The following NPAS3 variants were observed in gnomAD, a reference collection of about 807,000 sequenced individuals.
NPAS3 encodes the protein neuronal PAS domain protein 3, also known as neuronal PAS domain-containing protein 3.
A neutral mutation model predicts 73.1 loss-of-function variants in NPAS3; 14 were observed. The observed-to-expected ratio is 0.19, with a 90% CI of 0.13 to 0.30. NPAS3 has a LOEUF of 0.30. Ranked by LOEUF, NPAS3 falls within the 10% of genes least tolerant of loss-of-function variation. NPAS3 has a pLI of 1.00. For synonymous variants in NPAS3, 620 were observed against 541.5 expected (o/e 1.14, Z -2.01); for missense variants, 1,096 against 1,250.0 (o/e 0.88, Z 1.86).
intron 6 of NPAS3, among the ~76,000 whole-genome samples, chr14:33,731,768 A>AAAATTTCCTGTAAAATTTCCTGT (rs2061408333): frequency 6.6e-6 from 1 of 152,216 alleles, no homozygotes. Context: ...TAAATTTTAC[A>AAAATTTCCTGTAAAATTTCCTGT]AAATATGCAA....
rs575116485 is a variant in NPAS3 at position 32,968,901 on chromosome 14, A to C, written c.50+29535A>C. ...AACCCATCACCTAGGTATTAAGCCC[A>C]GCATCCACTAGCTATTCTTCCTGAT... On this transcript the variant is annotated intron_variant, in intron 1 of 11. Transcript: ENST00000356141. Among the ~76,000 whole-genome samples the C allele has an allele frequency of 3.9e-5, 6 of 152,210 alleles. No individual in the cohort carries two copies. In the East Asian group the frequency reaches 1.2e-3, roughly 29 times the overall value.
At position 33,123,977 on chromosome 14, in the gene NPAS3, C is replaced by G. The variant is rs567829344; in HGVS notation, c.140+67983C>G. Reference sequence around the variant, plus strand: ...CTGGGCTCAGGTTGTTCTCGTGCCTCAGCCTCCTGAGTAGCTGGGCCTATA... The same window carrying G: ...CTGGGCTCAGGTTGTTCTCGTGCCTGAGCCTCCTGAGTAGCTGGGCCTATA... On this transcript the variant is annotated intron_variant, in intron 2 of 11. Transcript: ENST00000356141. Among the ~76,000 whole-genome samples the G allele has an allele frequency of 6.8e-4, 103 of 151,262 alleles. 2 individuals are homozygous for G. Among genetic ancestry groups the G allele is most frequent in the African/African-American group, 2.4e-3 (99 of 41,274 alleles).
chr14:33,366,026 A>G (rs2045825185), intron 3 of NPAS3, among the ~76,000 whole-genome samples: 1 of 152,210 alleles, frequency 6.6e-6, no homozygotes, highest in African/African-American at 2.4e-5. Flanking sequence ...GCAGGAAGAT[A>G]TGGGGAATTT....
exon 8 of NPAS3, chr14:33,774,354 C>G: frequency 6.2e-7 from 1 of 1,613,696 alleles, no homozygotes; most frequent in Non-Finnish European, 8.5e-7. Context: ...ACATAACAGG[C>G]CGGCTACGCC....
intron 4 of NPAS3, among the ~76,000 whole-genome samples, chr14:33,492,505 C>T (rs74044821): frequency 6.6e-6 from 1 of 152,242 alleles, no homozygotes; most frequent in African/African-American, 2.4e-5. Context: ...ATCGCTTGCT[C>T]TTTCTCCTAC....
chr14:33,297,476 G>A (rs1285897724), intron 3 of NPAS3, among the ~76,000 whole-genome samples: 4 of 152,052 alleles, frequency 2.6e-5, no homozygotes, highest in Non-Finnish European at 5.9e-5. Flanking sequence ...TTTTCTTGCT[G>A]TATCTCCCTG....
intron 4 of NPAS3, among the ~76,000 whole-genome samples, chr14:33,478,699 C>G (rs2051165309): frequency 6.6e-6 from 1 of 152,176 alleles, no homozygotes; most frequent in Non-Finnish European, 1.5e-5. Flanking sequence ...TATTAATGAT[C>G]TTGAATAGCC....
chr14:33,354,250 C>T lies in NPAS3; in HGVS notation c.386-12936C>T, dbSNP rs369588956. On this transcript the variant is annotated intron_variant, in intron 3 of 11. Transcript: ENST00000356141. ...AGTCATCCCTTACTCTCCTTTCTTTCCCTTCCAGATTTTCAGAAATGTTGA... is the reference window on the plus strand; with the variant it reads ...AGTCATCCCTTACTCTCCTTTCTTTTCCTTCCAGATTTTCAGAAATGTTGA... Among the ~76,000 whole-genome samples the T allele has an allele frequency of 5.9e-4, 90 of 152,256 alleles. 1 individual carries two copies. The highest frequency in any genetic ancestry group is 1.3e-3 in the African/African-American group (53 of 41,560).
rs750571832 is a variant in NPAS3, at chr14:33,800,041, C to A, written c.1734C>A (p.Asp578Glu). Reference sequence around the variant, plus strand: ...AGAACTGCGAGTCACTCACGTCCGACAGCGCCAAGGACTCGGACAGCGCAG... The same window carrying A: ...AGAACTGCGAGTCACTCACGTCCGAAAGCGCCAAGGACTCGGACAGCGCAG... The change falls in exon 12 of 12, where the codon GAC (aspartate) becomes GAA (glutamate). Residue 578 changes from aspartate (D) to glutamate (E), a missense_variant. Around this residue, in one of 5 missense-constraint regions of NPAS3, gnomAD observed 698 missense variants for 676.7 expected, o/e 1.03. Transcript: ENST00000356141. This position sits in a 1 kb window ranked among gnomAD's most constrained non-coding sequence, Gnocchi z 6.5. The A allele has an allele frequency of 6.2e-7, 1 of 1,608,824 alleles. No homozygotes were observed. The highest frequency in any genetic ancestry group is 1.3e-5 in the African/African-American group (1 of 74,906).
At chr14:33,549,496 T>C (rs561033030) in intron 4 of NPAS3, among the ~76,000 whole-genome samples, 20 of 152,218 alleles carry the variant, frequency 1.3e-4, no homozygotes, top group Admixed American at 2.6e-4. Context: ...GGCCTTCTAA[T>C]GTGCTAGGAT....
intron 4 of NPAS3, among the ~76,000 whole-genome samples, chr14:33,531,313 A>G (rs915095030): frequency 6.6e-5 from 10 of 152,136 alleles, no homozygotes; most frequent in African/African-American, 2.4e-4. Flanking sequence ...TACATACAGA[A>G]AAGTGCCATA....
At chr14:33,119,222 A>G (rs2043156214) in intron 2 of NPAS3, among the ~76,000 whole-genome samples, 1 of 152,034 alleles carries the variant, frequency 6.6e-6, no homozygotes, top group Non-Finnish European at 1.5e-5. Context: ...TTAGGACAAA[A>G]TTTTGCAAGC....
chr14:33,621,052 A>T (rs1237397085), intron 5 of NPAS3, among the ~76,000 whole-genome samples: 1 of 152,306 alleles, frequency 6.6e-6, no homozygotes, highest in African/African-American at 2.4e-5. Context: ...ACTAATGACC[A>T]TGGCCTATGT....
chr14:33,009,319 AG>A (rs1300613745), intron 1 of NPAS3, among the ~76,000 whole-genome samples: 1 of 152,198 alleles, frequency 6.6e-6, no homozygotes, highest in Non-Finnish European at 1.5e-5. Context: ...AAAGCAGATT[AG>A]GGGACCAGTG....
intron 5 of NPAS3, among the ~76,000 whole-genome samples, chr14:33,598,680 C>T (rs1458830779): frequency 3.3e-5 from 5 of 152,226 alleles, no homozygotes; most frequent in South Asian, 2.1e-4. Context: ...AAGCTACATA[C>T]GTTTGGGTTT....
intron 5 of NPAS3, among the ~76,000 whole-genome samples, chr14:33,654,847 T>C (rs74042356): frequency 4.1e-4 from 62 of 152,312 alleles, no homozygotes; most frequent in African/African-American, 1.4e-3. Flanking sequence ...GCAATCATAG[T>C]TTTATTTGAT....
At chr14:33,545,004 A>G (rs2054776061) in intron 4 of NPAS3, among the ~76,000 whole-genome samples, 1 of 151,068 alleles carries the variant, frequency 6.6e-6, no homozygotes, top group Non-Finnish European at 1.5e-5. Flanking sequence ...TCTCATTGAC[A>G]TTAATGTTCT....
rs376309540 is a variant in NPAS3, at chr14:33,125,816, A to C, written c.140+69822A>C. ...CATGTTAGGAAAGAGGATCAAACTT[A>C]TTACTTACTTAAAAATAGTAATGTT... On this transcript the variant is annotated intron_variant, in intron 2 of 11. Coordinates refer to ENST00000356141, the Ensembl canonical transcript of NPAS3. Among the ~76,000 whole-genome samples the C allele has an allele frequency of 1.0e-3, 153 of 152,310 alleles. No homozygotes were observed. In the Middle Eastern group the frequency reaches 0.01, roughly 10 times the overall value.
chr14:33,638,351 C>A (rs1049004487), intron 5 of NPAS3, among the ~76,000 whole-genome samples: 6 of 152,162 alleles, frequency 3.9e-5, no homozygotes, highest in Admixed American at 2.0e-4. Context: ...GCTATGCAGG[C>A]AGCATGAAAG....
Sources: allele counts gnomAD v4.1 joint callset (sites outside exome capture counted in the v4.1 genomes callset), GRCh38; gene constraint gnomAD v4.1.1; regional missense constraint gnomAD v4.1.1; non-coding constraint Gnocchi (gnomAD v3.1); transcripts MANE v1.5; gene names NCBI Gene and HGNC (gene_info 2026-07-23, HGNC 2026-07-21).